Variants in MAP3K7 observed in about 807,000 individuals in gnomAD.
MAP3K7 encodes TGF-beta activated kinase 1.
Under a neutral mutation model 84.8 loss-of-function variants are expected in MAP3K7, and 21 were observed. The ratio of observed to expected loss-of-function variants is 0.25; its 90% confidence interval spans 0.18 to 0.36. The LOEUF (loss-of-function observed/expected upper bound fraction) is 0.36. Ranked by LOEUF, MAP3K7 falls within the 10% of genes least tolerant of loss-of-function variation. MAP3K7 has a pLI of 1.00. For missense variants in MAP3K7, 503 were observed against 747.7 expected, an observed-to-expected ratio of 0.67 and a Z score of 3.82; for synonymous variants, 241 against 247.7, an observed-to-expected ratio of 0.97 and a Z score of 0.25.
intron 13 of MAP3K7, among the ~76,000 whole-genome samples, chr6:90,531,399 C>A (rs1447776778): frequency 6.6e-6 from 1 of 152,066 alleles, no homozygotes; most frequent in Non-Finnish European, 1.5e-5. Context: ...ATGATGACTT[C>A]TATGATATTC....
chr6:90,543,893 T>G (rs1775925174), intron 12 of MAP3K7, among the ~76,000 whole-genome samples: 1 of 152,116 alleles, frequency 6.6e-6, no homozygotes, highest in Non-Finnish European at 1.5e-5. Context: ...TTTACCAATT[T>G]TAGACACTAA....
intron 3 of MAP3K7, among the ~76,000 whole-genome samples, chr6:90,565,276 T>C (rs1473510294): frequency 6.6e-6 from 1 of 151,658 alleles, no homozygotes; most frequent in Non-Finnish European, 1.5e-5. Flanking sequence ...ATCCAGGAGC[T>C]GGTTTTTTGA....
chr6:90,582,880 C>CTTTT (rs535938524), intron 1 of MAP3K7, among the ~76,000 whole-genome samples: 9 of 129,142 alleles, frequency 7.0e-5, no homozygotes, highest in South Asian at 4.9e-4. Flanking sequence ...CTTCTATCAT[C>CTTTT]TTTTTTTTTT....
chr6:90,518,812 G>A (rs561163980), intron 15 of MAP3K7, among the ~76,000 whole-genome samples: 14 of 151,818 alleles, frequency 9.2e-5, no homozygotes, highest in African/African-American at 3.4e-4. Context: ...GTAGTCTCTG[G>A]TATGACATTT....
intron 12 of MAP3K7, among the ~76,000 whole-genome samples, chr6:90,541,002 T>A (rs1775838987): frequency 1.3e-5 from 2 of 151,896 alleles, no homozygotes; most frequent in Admixed American, 6.6e-5. Context: ...AAAAATAGAT[T>A]CTTGGAAGCT....
At chr6:90,527,789 AT>A (rs1438958397) in intron 13 of MAP3K7, among the ~76,000 whole-genome samples, 2 of 151,650 alleles carry the variant, frequency 1.3e-5, no homozygotes, top group African/African-American at 4.8e-5. Context: ...CATTATATAC[AT>A]TCTTGTCTAC....
At chr6:90,554,724 A>G (rs569801415) in intron 6 of MAP3K7, among the ~76,000 whole-genome samples, 117 of 152,356 alleles carry the variant, frequency 7.7e-4, no homozygotes, top group Admixed American at 3.7e-3. Context: ...TGCTCTCCAC[A>G]TACAGTAACA....
intron 1 of MAP3K7, among the ~76,000 whole-genome samples, chr6:90,581,745 A>AT (rs1285728411): frequency 1.3e-5 from 2 of 152,224 alleles, no homozygotes; most frequent in Non-Finnish European, 2.9e-5. Flanking sequence ...TTCACATGAA[A>AT]GAATGTATTG....
Position 90,556,468 on chromosome 6 carries a change from T to C in MAP3K7, c.607+32A>G. ...ATGAATTCACAAGGAGTGAGGGAGA[T>C]TATCAAACATACCATACTTTTGCCA... is the stretch of plus-strand genomic sequence containing the variant. On this transcript the variant is annotated intron_variant, in intron 6 of 16. Coordinates refer to ENST00000369329, the MANE Select transcript of MAP3K7 (RefSeq NM_145331.3). 3.1e-6 allele frequency: 5 copies of C among 1,600,178 alleles called. No homozygotes were observed. In the South Asian group the frequency reaches 3.4e-5, roughly 11 times the overall value.
In MAP3K7 at chr6:90,587,047, G is replaced by T. The variant is rs1036313496; in HGVS notation, c.-164C>A. 1 of 800,966 alleles carries T rather than the reference G, an allele frequency of 1.2e-6. No homozygotes were observed. Among genetic ancestry groups the T allele is most frequent in the Non-Finnish European group, 1.8e-6 (1 of 562,698 alleles). 49.6% of individuals were successfully genotyped at this position (800,966 alleles called of 1,614,324 possible). Reference sequence around the variant, plus strand: ...GAGGCAGCGGCCACAGCCGTGTCCGGCTCTGGCTCCGCTGCGTTTTCCGCC... The same window carrying T: ...GAGGCAGCGGCCACAGCCGTGTCCGTCTCTGGCTCCGCTGCGTTTTCCGCC... On this transcript the variant is annotated 5_prime_UTR_variant, in exon 1 of 17. Transcript: ENST00000369329.
intron 5 of MAP3K7, among the ~76,000 whole-genome samples, chr6:90,557,490 A>C (rs865920739): frequency 6.6e-6 from 1 of 152,224 alleles, no homozygotes; most frequent in Non-Finnish European, 1.5e-5. Context: ...TCACAGTTCC[A>C]TAATACCAAA....
intron 8 of MAP3K7, 131 bp from the exon 9 acceptor site, chr6:90,550,680 A>G (rs1776153229): frequency 1.8e-5 from 10 of 560,914 alleles, no homozygotes; most frequent in Non-Finnish European, 2.8e-5. Context: ...CAAAGATTAC[A>G]ATAATGTACT....
At chr6:90,541,928 G>T (rs1374013168) in intron 12 of MAP3K7, among the ~76,000 whole-genome samples, 1 of 151,954 alleles carries the variant, frequency 6.6e-6, no homozygotes, top group Non-Finnish European at 1.5e-5. Flanking sequence ...AAGTACATTA[G>T]ACTCAGTACA....
intron 3 of MAP3K7, among the ~76,000 whole-genome samples, chr6:90,564,339 A>G (rs979453882): frequency 3.9e-5 from 6 of 152,198 alleles, no homozygotes; most frequent in Admixed American, 3.9e-4. Flanking sequence ...ACGGGCAGAG[A>G]CACACATAGG....
Position 90,586,907 on chromosome 6 carries a change from G to A in MAP3K7, c.-24C>T, listed in dbSNP as rs746227830. ...ATGATCCCTCGCGGCGCCCGGTGGG[G>A]CCGGGAACGGTGCCACCCGGACAAT... On this transcript the variant is annotated 5_prime_UTR_variant, in exon 1 of 17. Coordinates refer to ENST00000369329, the MANE Select transcript of MAP3K7 (RefSeq NM_145331.3). The A allele has an allele frequency of 8.8e-6, 14 of 1,596,172 alleles. No individual in the cohort carries two copies. The East Asian group carries it at 2.5e-4, about 29-fold the overall frequency.
chr6:90,542,163 C>T, intron 12 of MAP3K7: 3 of 876,304 alleles, frequency 3.4e-6, no homozygotes, highest in Non-Finnish European at 4.1e-6. Context: ...AAGTATCACC[C>T]TTCTTTACAA....
chr6:90,568,091 C>T (rs1776772524), intron 3 of MAP3K7, among the ~76,000 whole-genome samples: 1 of 151,686 alleles, frequency 6.6e-6, no homozygotes, highest in Admixed American at 6.6e-5. Context: ...GAGGGATAAG[C>T]ATTAGGAGAA....
intron 16 of MAP3K7, among the ~76,000 whole-genome samples, chr6:90,516,974 G>A (rs1582152778): frequency 1.3e-5 from 2 of 151,740 alleles, no homozygotes; most frequent in East Asian, 3.9e-4. Context: ...TTTTTGTGTA[G>A]GAAGGATGAA....
rs1777484501 is a variant in MAP3K7 at position 90,586,946 on chromosome 6, G to T, written c.-63C>A. ...CACCCGGACAATCCGGGTGAGACCCGCGCCCACCCGCCTCCGGACCGACCC... is the reference window on the plus strand; with the variant it reads ...CACCCGGACAATCCGGGTGAGACCCTCGCCCACCCGCCTCCGGACCGACCC... On this transcript the variant is annotated 5_prime_UTR_variant, in exon 1 of 17. Transcript: ENST00000369329. The T allele has an allele frequency of 5.4e-6, 8 of 1,490,794 alleles. No homozygotes were observed. Among genetic ancestry groups the T allele is most frequent in the Non-Finnish European group, 7.1e-6 (8 of 1,128,364 alleles). The allele number at this position is 1,490,794 out of a possible 1,614,324, so 92.3% of individuals were successfully genotyped here.
Sources: gnomAD v4.1 joint callset for allele counts (sites outside exome capture counted in the v4.1 genomes callset) on GRCh38, gnomAD v4.1.1 for gene constraint, MANE v1.5 for transcripts, NCBI Gene and HGNC (gene_info 2026-07-23, HGNC 2026-07-21) for gene names.